EIF4B: variants seen among roughly 807,000 people sequenced by gnomAD.
The protein encoded by EIF4B is eukaryotic translation initiation factor 4B.
Under a neutral mutation model 79.3 loss-of-function variants are expected in EIF4B, and 8 were observed. That is an observed-to-expected ratio of 0.10 (90% CI 0.06 to 0.18). The LOEUF (loss-of-function observed/expected upper bound fraction) is 0.18. Among genes scored for constraint, EIF4B ranks in the 10% least tolerant of loss-of-function variants. The probability of loss-of-function intolerance (pLI) is 1.00; values close to 1 mark genes in which losing one functional copy is unlikely to be tolerated. For missense variants in EIF4B, 515 were observed against 792.4 expected (o/e 0.65, Z 4.20); for synonymous variants, 238 against 274.7 (o/e 0.87, Z 1.32).
Position 53,010,454 on chromosome 12 carries a change from A to G in EIF4B, c.13+3958A>G, listed in dbSNP as rs573561789. ...ACAGTCTCATCATAAGTCAGGGAGC[A>G]TCTATATAGTGCAGTAAAGGTGAAG... On this transcript the variant is annotated intron_variant, in intron 1 of 14. Transcript: ENST00000262056. Among the ~76,000 whole-genome samples, 3 of 152,296 alleles carry G rather than the reference A, an allele frequency of 2.0e-5. No homozygotes were observed. In the East Asian group the frequency reaches 5.8e-4, roughly 29 times the overall value.
chr12:53,030,765 C>G (rs1442429747), intron 8 of EIF4B, among the ~76,000 whole-genome samples: 2 of 152,078 alleles, frequency 1.3e-5, no homozygotes, highest in East Asian at 3.8e-4. Context: ...AAAATAATAG[C>G]TAACATTTAT....
rs1240569005 is a variant in EIF4B at position 53,029,372 on chromosome 12, A to ATTTT, written c.979+1185_979+1188dup. ...CCAGAATTTTTTCTATCCTTTTTTT[A>ATTTT]TTTTATTTTTTTTTTTTTGAGACGG... On this transcript the variant is annotated intron_variant, in intron 8 of 14. Transcript: ENST00000262056. 4.9e-5 allele frequency among the ~76,000 whole-genome samples: 4 copies of ATTTT among 81,058 alleles called. 2 individuals carry two copies. Among genetic ancestry groups the ATTTT allele is most frequent in the Non-Finnish European group, 1.1e-4 (4 of 36,322 alleles). The allele number at this position is 81,058 out of a possible 152,430, so 53.2% of individuals were successfully genotyped here.
At chr12:53,034,124 CGTT>C in intron 9 of EIF4B, 90 bp downstream of exon 9, 1 of 1,317,144 alleles carries the variant, frequency 7.6e-7, no homozygotes, top group South Asian at 1.4e-5. Flanking sequence ...AAATTTGTGT[CGTT>C]ATCACATTAG....
In EIF4B at chr12:53,027,136, AAT is replaced by A. The variant is rs1491215791; in HGVS notation, c.668-645_668-644del. On this transcript the variant is annotated intron_variant, in intron 6 of 14. Coordinates refer to ENST00000262056, the MANE Select transcript of EIF4B (RefSeq NM_001417.7). ...GAGACTGTCTCTCAAAAAAAAAAAA[AAT>A]TTTTTTTTTTTTTTTTTTTGAGACA... 1.1e-3 allele frequency among the ~76,000 whole-genome samples: 31 copies of A among 29,504 alleles called. 2 individuals are homozygous for A. In the South Asian group the frequency reaches 0.035, roughly 33 times the overall value. The allele number at this position is 29,504 out of a possible 152,430, so 19.4% of individuals were successfully genotyped here.
rs923995562 is a variant in EIF4B, at chr12:53,041,613, A to G, written c.*1390A>G. The G allele has an allele frequency of 5.9e-5, 9 of 152,072 alleles. No individual in the cohort carries two copies. Among genetic ancestry groups the G allele is most frequent in the Non-Finnish European group, 7.4e-5 (5 of 68,020 alleles). The allele number at this position is 152,072 out of a possible 1,614,324, so 9.4% of individuals were successfully genotyped here. A position where few individuals can be genotyped will look rare whatever the true frequency, so the allele number is the denominator to read the frequency against. On this transcript the variant is annotated 3_prime_UTR_variant, in exon 15 of 15. Coordinates refer to ENST00000262056, the MANE Select transcript of EIF4B (RefSeq NM_001417.7). ...AGTAGCTAAACTTGCCTGCTTTTATATGCATTTTTGTAGGGATCAGCTTGG... is the reference window on the plus strand; with the variant it reads ...AGTAGCTAAACTTGCCTGCTTTTATGTGCATTTTTGTAGGGATCAGCTTGG...
rs567338175 is a variant in EIF4B at position 53,032,107 on chromosome 12, AC to A, written c.980-1697del. ...TGTTACATGCTTTGCCCCATGAACC[AC>A]CTGCCAAATTTATATTATACACAGA... On this transcript the variant is annotated intron_variant, in intron 8 of 14. Coordinates refer to ENST00000262056, the MANE Select transcript of EIF4B (RefSeq NM_001417.7). Among the ~76,000 whole-genome samples, 20 of 152,300 alleles carry A rather than the reference AC, an allele frequency of 1.3e-4. No homozygotes were observed. The South Asian group carries it at 3.7e-3, about 28-fold the overall frequency.
chr12:53,026,526 C>T (rs1196686584), intron 6 of EIF4B, among the ~76,000 whole-genome samples: 1 of 152,202 alleles, frequency 6.6e-6, no homozygotes, highest in Non-Finnish European at 1.5e-5. Flanking sequence ...AATTGTTGGT[C>T]AAGAAGGGTA....
chr12:53,008,145 T>G (rs1052406214), intron 1 of EIF4B, among the ~76,000 whole-genome samples: 34 of 152,318 alleles, frequency 2.2e-4, no homozygotes, highest in African/African-American at 8.2e-4. Context: ...ACCTTAACAG[T>G]TTAGTATCGT....
chr12:53,025,464 G>C, intron 6 of EIF4B: 1 of 310,180 alleles, frequency 3.2e-6, no homozygotes, highest in Non-Finnish European at 6.3e-6. Context: ...GGGGTGTTGG[G>C]GGGTATTACA....
intron 1 of EIF4B, among the ~76,000 whole-genome samples, chr12:53,010,564 C>CTGTT (rs10638629): frequency 0.8 from 122,048 of 151,770 alleles, 51,164 homozygotes; most frequent in Non-Finnish European, 0.93. Flanking sequence ...TCTAGGCACT[C>CTGTT]TGGGTGGATC....
At chr12:53,040,025 G>A in intron 14 of EIF4B, 118 bp from the exon 15 acceptor site, 1 of 1,151,790 alleles carries the variant, frequency 8.7e-7, no homozygotes, top group Non-Finnish European at 1.3e-6. Flanking sequence ...TGATGAGCAA[G>A]CAAGTGGGTG....
rs1295247192 is a variant in EIF4B at position 53,034,612 on chromosome 12, A to G, written c.1209A>G (p.Arg403=). Residue 403 remains arginine (R), a splice_region_variant and synonymous_variant, in exon 10 of 15, where the codon AGA becomes AGG. Coordinates refer to ENST00000262056, the MANE Select transcript of EIF4B (RefSeq NM_001417.7). ...TGTATTTTGTGAATCTCTCGTACAG[A>G]CACCCAAGCTGGCGAAGTGAAGAAA... ...EPKLERRPRE[R]HPSWRSEETQ... 6.2e-7 allele frequency: 1 copy of G among 1,613,988 alleles called. No homozygotes were observed. Among genetic ancestry groups the G allele is most frequent in the South Asian group, 1.1e-5 (1 of 91,066 alleles).
At position 53,006,494 on chromosome 12, in the gene EIF4B, C is replaced by T. The variant is rs1435209652; in HGVS notation, c.11C>T (p.Ser4Leu). Residue 4 changes from serine to leucine, a missense_variant and splice_region_variant, in exon 1 of 15, where the codon TCA (serine) becomes TTA (leucine). By Grantham distance (145) the Ser-to-Leu change is moderately radical. Transcript: ENST00000262056. MAA[S>L]AKKKNKKGKT... ...TTTCCCTCTCCCAACATGGCGGCCT[C>T]AGGTGAGCGAGCAGCCGAGCGCGGC... 2 of 1,613,528 alleles carry T rather than the reference C, an allele frequency of 1.2e-6. No individual in the cohort carries two copies. The highest frequency in any genetic ancestry group is 2.7e-5 in the African/African-American group (2 of 74,914).
At chr12:53,015,358 C>G (rs1243065050) in intron 1 of EIF4B, among the ~76,000 whole-genome samples, 1 of 152,152 alleles carries the variant, frequency 6.6e-6, no homozygotes, top group Non-Finnish European at 1.5e-5. Flanking sequence ...CACTTAACCT[C>G]TCTGAGACTT....
Position 53,040,432 on chromosome 12 carries a change from C to T in EIF4B, c.*209C>T. The T allele has an allele frequency of 4.0e-6, 2 of 500,434 alleles. No individual in the cohort carries two copies. Among genetic ancestry groups the T allele is most frequent in the Non-Finnish European group, 7.1e-6 (2 of 282,198 alleles). 31.0% of individuals were successfully genotyped at this position (500,434 alleles called of 1,614,324 possible). ...GTAACTGGAGAATTGCCAATACAGC[C>T]AGAGAGAAAGGGACTACAGCTTTTT... On this transcript the variant is annotated 3_prime_UTR_variant, in exon 15 of 15. Transcript: ENST00000262056.
intron 1 of EIF4B, 74 bp downstream of exon 1, chr12:53,006,570 G>C: frequency 1.2e-6 from 2 of 1,610,306 alleles, no homozygotes; most frequent in Non-Finnish European, 1.7e-6. Context: ...CTGATTTCCT[G>C]AAGTCGGGGA....
chr12:53,027,901 A>C lies in EIF4B; in HGVS notation c.787A>C (p.Ser263Arg). 6.2e-7 allele frequency: 1 copy of C among 1,614,246 alleles called. No homozygotes were observed. Among genetic ancestry groups the C allele is most frequent in the Non-Finnish European group, 8.5e-7 (1 of 1,180,030 alleles). Reference sequence around the variant, plus strand: ...CCGGGATCGCTATGATGACCGAGGCAGCAGAGACTATGATAGAGGTAATTG... The same window carrying C: ...CCGGGATCGCTATGATGACCGAGGCCGCAGAGACTATGATAGAGGTAATTG... Reference protein sequence around the residue: ...GGRDRYDDRGSRDYDRGYDSR... With the variant: ...GGRDRYDDRGRRDYDRGYDSR... Residue 263 changes from serine (S) to arginine (R), a missense_variant, in exon 7 of 15, where the codon AGC becomes CGC. By Grantham distance (110) the Ser-to-Arg change is moderately radical. This residue lies in a region of EIF4B where 187 missense variants were observed against 256.5 expected (regional missense o/e 0.73). Coordinates refer to ENST00000262056, the MANE Select transcript of EIF4B (RefSeq NM_001417.7).
intron 2 of EIF4B, 87 bp downstream of exon 2, chr12:53,016,697 T>G: frequency 6.8e-7 from 1 of 1,472,526 alleles, no homozygotes; most frequent in East Asian, 2.4e-5. Flanking sequence ...GTTTGTAATC[T>G]GAAAAGAACT....
chr12:53,025,433 A>T, intron 6 of EIF4B: 1 of 332,410 alleles, frequency 3.0e-6, no homozygotes, highest in South Asian at 2.5e-5. Context: ...CCCAAGCATT[A>T]GGCCAAAAAG....
Sources: allele counts gnomAD v4.1 joint callset (sites outside exome capture counted in the v4.1 genomes callset), GRCh38; gene constraint gnomAD v4.1.1; regional missense constraint gnomAD v4.1.1; transcripts MANE v1.5; gene names NCBI Gene and HGNC (gene_info 2026-07-23, HGNC 2026-07-21).